SLC5A11: variants seen among roughly 807,000 people sequenced by gnomAD.
SLC5A11 encodes sodium/myo-inositol cotransporter 2.
In SLC5A11, 48 loss-of-function variants were observed where a neutral mutation model predicts 69.8. The observed-to-expected ratio is 0.69, with a 90% confidence interval of 0.55 to 0.87. SLC5A11 has a LOEUF of 0.87. Among genes scored for constraint, SLC5A11 ranks in the 40% least tolerant of loss-of-function variants. The pLI, the probability that SLC5A11 is intolerant of heterozygous loss-of-function variation, is 0.00. For missense variants in SLC5A11, 784 were observed against 866.1 expected (o/e 0.91, Z 1.19); for synonymous variants, 319 against 342.4 (o/e 0.93, Z 0.75).
At chr16:24,908,951 T>A (rs773370877) in exon 14 of SLC5A11, 1 of 1,614,088 alleles carries the variant, frequency 6.2e-7, no homozygotes, top group Non-Finnish European at 8.5e-7. Context: ...TTTATTTACG[T>A]GCAGCCTCGA....
chr16:24,880,866 C>T (rs1265339922), intron 7 of SLC5A11, among the ~76,000 whole-genome samples: 1 of 152,138 alleles, frequency 6.6e-6, no homozygotes, highest in Non-Finnish European at 1.5e-5. Context: ...TCCACAACCT[C>T]GCCAACGTCG....
chr16:24,884,028 C>G (rs763551514), intron 7 of SLC5A11, 23 bp from the exon 9 acceptor site: 3 of 1,611,174 alleles, frequency 1.9e-6, no homozygotes, highest in Non-Finnish European at 2.5e-6. Context: ...CCCTGACCCT[C>G]ACCTCCGTGC....
intron 5 of SLC5A11, 58 bp from the exon 7 acceptor site, chr16:24,875,569 G>T (rs1038694125): frequency 9.2e-6 from 13 of 1,406,756 alleles, no homozygotes; most frequent in Non-Finnish European, 1.2e-5. Context: ...CTTGTGTGGG[G>T]GGGTCACGTG....
At chr16:24,884,018 C>T (rs367939841) in intron 7 of SLC5A11, 33 bp from the exon 9 acceptor site, 1 of 1,607,932 alleles carries the variant, frequency 6.2e-7, no homozygotes, top group Non-Finnish European at 8.5e-7. Flanking sequence ...TCGTTAGACT[C>T]CCTGACCCTC....
intron 1 of SLC5A11, among the ~76,000 whole-genome samples, chr16:24,851,638 A>T (rs545566413): frequency 6.6e-6 from 1 of 152,198 alleles, no homozygotes; most frequent in African/African-American, 2.4e-5. Context: ...ATGGTTTTAT[A>T]AAATGGACGG....
exon 13 of SLC5A11, chr16:24,907,989 T>C: frequency 6.2e-7 from 1 of 1,614,090 alleles, no homozygotes; most frequent in Non-Finnish European, 8.5e-7. Flanking sequence ...CTGGTCCTGG[T>C]CTCCATCCTC....
intron 7 of SLC5A11, among the ~76,000 whole-genome samples, chr16:24,878,355 C>A (rs551958350): frequency 6.6e-6 from 1 of 152,192 alleles, no homozygotes; most frequent in Non-Finnish European, 1.5e-5. Context: ...CGCCTCATAC[C>A]TGTATCCTAG....
chr16:24,852,999 C>G lies in SLC5A11; in HGVS notation c.-24-5621C>G, dbSNP rs900650884. Among the ~76,000 whole-genome samples, 4 of 150,576 alleles carry G rather than the reference C, an allele frequency of 2.7e-5. 1 individual carries two copies. Among genetic ancestry groups the G allele is most frequent in the Admixed American group, 6.6e-5 (1 of 15,110 alleles). On this transcript the variant is annotated intron_variant, in intron 1 of 15. Transcript: ENST00000347898. Reference sequence around the variant, plus strand: ...CTAATAAATGTTTGTTCTATTGAGTCCCCAGGGTCTAGCACAGAGCATGGT... The same window carrying G: ...CTAATAAATGTTTGTTCTATTGAGTGCCCAGGGTCTAGCACAGAGCATGGT...
intron 1 of SLC5A11, among the ~76,000 whole-genome samples, chr16:24,855,375 A>G (rs274116): frequency 0.63 from 94,319 of 148,940 alleles, 30,751 homozygotes; most frequent in African/African-American, 0.8. Flanking sequence ...GCGGAGTTGG[A>G]GGAATTGCTT....
intron 9 of SLC5A11, among the ~76,000 whole-genome samples, chr16:24,895,260 G>C (rs978832856): frequency 6.6e-6 from 1 of 152,226 alleles, no homozygotes; most frequent in Middle Eastern, 3.4e-3. Context: ...AGGCTGAGGT[G>C]GGTGGATCAC....
At chr16:24,910,452 A>G in exon 15 of SLC5A11, 1 of 1,614,170 alleles carries the variant, frequency 6.2e-7, no homozygotes, top group Non-Finnish European at 8.5e-7. Context: ...AGATGGTTCA[A>G]GAAAACACGT....
chr16:24,910,078 G>A (rs1485476927), intron 14 of SLC5A11, among the ~76,000 whole-genome samples: 1 of 151,344 alleles, frequency 6.6e-6, no homozygotes. Flanking sequence ...AGCAACAGGA[G>A]GATGGGGTTT....
chr16:24,888,544 C>T (rs1317696645), intron 8 of SLC5A11, among the ~76,000 whole-genome samples: 1 of 136,584 alleles, frequency 7.3e-6, no homozygotes, highest in Non-Finnish European at 1.5e-5. Context: ...AGTACAGTGG[C>T]ACAATCTCAG....
At chr16:24,909,827 T>C (rs2050370825) in intron 14 of SLC5A11, among the ~76,000 whole-genome samples, 1 of 81,946 alleles carries the variant, frequency 1.2e-5, no homozygotes, top group African/African-American at 5.0e-5. Context: ...AGAGCCTGTC[T>C]TTAAAAAAAA....
chr16:24,898,076 T>C (rs1365531677), exon 10 of SLC5A11: 1 of 1,614,150 alleles, frequency 6.2e-7, no homozygotes, highest in Non-Finnish European at 8.5e-7. Context: ...CATAATGGTG[T>C]TCCCTGGGAT....
At chr16:24,905,666 A>G (rs1366873515) in intron 10 of SLC5A11, among the ~76,000 whole-genome samples, 1 of 151,708 alleles carries the variant, frequency 6.6e-6, no homozygotes, top group Non-Finnish European at 1.5e-5. Context: ...ACACACACAC[A>G]CACACACACA....
At chr16:24,858,655 C>T (rs1428763244) in exon 2 of SLC5A11, 44 of 1,609,710 alleles carry the variant, frequency 2.7e-5, no homozygotes, top group Non-Finnish European at 3.6e-5. Flanking sequence ...TGGAGAGCGG[C>T]ACCAGCAGCC....
At chr16:24,891,178 GT>G in intron 9 of SLC5A11, 104 bp downstream of exon 10, 1 of 1,111,492 alleles carries the variant, frequency 9.0e-7, no homozygotes, top group Non-Finnish European at 1.3e-6. Context: ...TCTCATTTGC[GT>G]TTTCCCTGCT....
chr16:24,853,232 A>G (rs192506021), intron 1 of SLC5A11, among the ~76,000 whole-genome samples: 4 of 151,912 alleles, frequency 2.6e-5, no homozygotes, highest in East Asian at 2.0e-4. Flanking sequence ...TGCCTAATAA[A>G]TGTTTGTTTC....
Sources: gnomAD v4.1 joint callset for allele counts (sites outside exome capture counted in the v4.1 genomes callset) on GRCh38, gnomAD v4.1.1 for gene constraint, MANE v1.5 for transcripts, NCBI Gene and HGNC (gene_info 2026-07-23, HGNC 2026-07-21) for gene names.